MTSS1: variants seen among roughly 807,000 people sequenced by gnomAD.
MTSS1 encodes the protein MTSS I-BAR domain containing 1.
In MTSS1, 18 loss-of-function variants were observed where a neutral mutation model predicts 79.0. The ratio of observed to expected loss-of-function variants is 0.23; its 90% CI spans 0.16 to 0.34. MTSS1 has a LOEUF of 0.34. Among genes scored for constraint, MTSS1 ranks in the 10% least tolerant of loss-of-function variants. MTSS1 has a pLI of 1.00. For synonymous variants in MTSS1, 341 were observed against 368.6 expected (o/e 0.93, Z 0.86); for missense variants, 815 against 986.2 (o/e 0.83, Z 2.33).
chr8:124,704,253 C>G (rs1164294942), intron 1 of MTSS1, 62 bp from the exon 2 acceptor site: 1 of 1,383,338 alleles, frequency 7.2e-7, no homozygotes. Flanking sequence ...ACTACATTAA[C>G]AGAGCACCCA....
At chr8:124,615,666 C>T (rs1381738923) in intron 3 of MTSS1, among the ~76,000 whole-genome samples, 1 of 152,206 alleles carries the variant, frequency 6.6e-6, no homozygotes, top group African/African-American at 2.4e-5. Context: ...GAACTCTACA[C>T]TTGAAAATGA....
chr8:124,607,640 C>T (rs1221630094), intron 3 of MTSS1, among the ~76,000 whole-genome samples: 3 of 152,146 alleles, frequency 2.0e-5, no homozygotes, highest in Non-Finnish European at 4.4e-5. Context: ...GCCCGAGCCT[C>T]CCAGCCTCCA....
rs7839937 is a variant in MTSS1, at chr8:124,597,466, A to G, written c.209-6231T>C. ...GGGGTAGGGAGGAAATAAGAAAAGC[A>G]AAGTTTCCTTGCCCCCTAAAGTCCG... On this transcript the variant is annotated intron_variant, in intron 3 of 13. Coordinates refer to ENST00000518547, the MANE Select transcript of MTSS1 (RefSeq NM_014751.6). The surrounding 1 kb of genome is among the most constrained non-coding windows in gnomAD (Gnocchi z 4.6). Among the ~76,000 whole-genome samples, 1 of 152,218 alleles carries G rather than the reference A, an allele frequency of 6.6e-6. No homozygotes were observed. Among genetic ancestry groups the G allele is most frequent in the Non-Finnish European group, 1.5e-5 (1 of 68,042 alleles).
intron 3 of MTSS1, among the ~76,000 whole-genome samples, chr8:124,696,866 A>G (rs1002572646): frequency 6.6e-6 from 1 of 150,596 alleles, no homozygotes; most frequent in Admixed American, 6.6e-5. Flanking sequence ...AAAAAAAAAG[A>G]AAAAAAAATG....
Position 124,567,972 on chromosome 8 carries a change from C to T in MTSS1, c.618+407G>A, listed in dbSNP as rs750349867. ...GTCACCCCTTAGTACTCGGCTACAA[C>T]AGTGAGTCTCAAAACCACCTGGAGT... On this transcript the variant is annotated intron_variant, in intron 7 of 13. Transcript: ENST00000518547. 211 of 1,352,156 alleles carry T rather than the reference C, an allele frequency of 1.6e-4. 1 individual carries two copies. The highest frequency in any genetic ancestry group is 2.6e-4 in the Admixed American group (8 of 31,342). 83.8% of individuals were successfully genotyped at this position (1,352,156 alleles called of 1,614,324 possible). A position where few individuals can be genotyped will look rare whatever the true frequency, so the allele number is the denominator to read the frequency against.
chr8:124,551,435 A>G lies in MTSS1; in HGVS notation c.*1557T>C, dbSNP rs981721845. 3 of 152,696 alleles carry G rather than the reference A, an allele frequency of 2.0e-5. No individual in the cohort carries two copies. The highest frequency in any genetic ancestry group is 4.4e-5 in the Non-Finnish European group (3 of 68,056). 9.5% of individuals were successfully genotyped at this position (152,696 alleles called of 1,614,324 possible). Reference sequence around the variant, plus strand: ...GTGTTCAATGTTAATATATAGAACAATGACCATACGGTACGTTACTCTCAC... The same window carrying G: ...GTGTTCAATGTTAATATATAGAACAGTGACCATACGGTACGTTACTCTCAC... On this transcript the variant is annotated 3_prime_UTR_variant, in exon 14 of 14. Coordinates refer to ENST00000518547, the MANE Select transcript of MTSS1 (RefSeq NM_014751.6).
intron 3 of MTSS1, chr8:124,698,042 T>C (rs988688448): frequency 6.6e-6 from 1 of 152,230 alleles, no homozygotes; most frequent in Non-Finnish European, 1.5e-5. Flanking sequence ...ATAGTTTCTA[T>C]GTTGAAATTC....
intron 3 of MTSS1, among the ~76,000 whole-genome samples, chr8:124,633,956 TC>T (rs1816511692): frequency 6.6e-6 from 1 of 152,070 alleles, no homozygotes; most frequent in African/African-American, 2.4e-5. Flanking sequence ...TATAATTACT[TC>T]TCTCACACTT....
intron 3 of MTSS1, among the ~76,000 whole-genome samples, chr8:124,688,000 C>A (rs1029728305): frequency 3.3e-5 from 5 of 152,176 alleles, no homozygotes; most frequent in African/African-American, 1.2e-4. Flanking sequence ...AAGTACCACC[C>A]GGGCGGCTGG....
chr8:124,681,575 G>T (rs1354164357), intron 3 of MTSS1, among the ~76,000 whole-genome samples: 1 of 152,172 alleles, frequency 6.6e-6, no homozygotes, highest in Non-Finnish European at 1.5e-5. Flanking sequence ...ATAACTTGAG[G>T]TCAGGAGTTC....
At chr8:124,654,111 G>A (rs929713842) in intron 3 of MTSS1, among the ~76,000 whole-genome samples, 53 of 152,138 alleles carry the variant, frequency 3.5e-4, no homozygotes, top group Non-Finnish European at 1.0e-4. Context: ...AGGGTAATGA[G>A]GTGTATCATC....
intron 10 of MTSS1, among the ~76,000 whole-genome samples, chr8:124,561,073 C>T (rs1258032241): frequency 5.9e-5 from 9 of 152,138 alleles, no homozygotes; most frequent in African/African-American, 1.9e-4. Flanking sequence ...AATAAGCAGT[C>T]GTAATGCCTT....
chr8:124,612,567 G>A (rs991674774), intron 3 of MTSS1, among the ~76,000 whole-genome samples: 2 of 138,588 alleles, frequency 1.4e-5, no homozygotes, highest in Admixed American at 7.2e-5. Flanking sequence ...TAAAGACCAA[G>A]TTTAAAATGT....
intron 3 of MTSS1, among the ~76,000 whole-genome samples, chr8:124,640,538 AT>A (rs1817836858): frequency 6.6e-6 from 1 of 151,976 alleles, no homozygotes; most frequent in African/African-American, 2.4e-5. Flanking sequence ...ATCCTTCTAG[AT>A]TTTTTTGTTT....
chr8:124,662,541 C>G (rs1338604570), intron 3 of MTSS1, among the ~76,000 whole-genome samples: 1 of 152,172 alleles, frequency 6.6e-6, no homozygotes, highest in Non-Finnish European at 1.5e-5. Flanking sequence ...CCCCAATACT[C>G]AGGATCCGGG....
At position 124,553,182 on chromosome 8, in the gene MTSS1, C is replaced by A. The variant is rs757706794; in HGVS notation, c.2078G>T (p.Ser693Ile). The change falls in exon 14 of 14, where the codon AGT (serine) becomes ATT (isoleucine). Residue 693 changes from serine to isoleucine, a missense_variant. Physicochemically the swap from Ser to Ile is moderately radical, Grantham distance 142. This residue lies in a region of MTSS1 where 590 missense variants were observed against 620.8 expected (regional missense o/e 0.95). Coordinates refer to ENST00000518547, the MANE Select transcript of MTSS1 (RefSeq NM_014751.6). This position sits in a 1 kb window ranked among gnomAD's most constrained non-coding sequence, Gnocchi z 6.0. ...TTCCCGTTCCTGGTCTTCAGCTTCA[C>A]TTTCTGGAATTGCCTGTCTGTGCTC... Reference protein sequence around the residue: ...PEEHRQAIPESEAEDQEREPP... With the variant: ...PEEHRQAIPEIEAEDQEREPP... The A allele has an allele frequency of 1.2e-6, 2 of 1,614,152 alleles. No individual in the cohort carries two copies. The highest frequency in any genetic ancestry group is 1.7e-6 in the Non-Finnish European group (2 of 1,180,042).
At chr8:124,578,651 C>T (rs961698967) in intron 6 of MTSS1, among the ~76,000 whole-genome samples, 9 of 152,046 alleles carry the variant, frequency 5.9e-5, no homozygotes, top group East Asian at 5.8e-4. Flanking sequence ...AAAAATTTGC[C>T]GGGTGTGGTG....
chr8:124,608,418 C>T (rs146719515), intron 3 of MTSS1, among the ~76,000 whole-genome samples: 372 of 152,246 alleles, frequency 2.4e-3, no homozygotes, highest in African/African-American at 8.3e-3. Flanking sequence ...ACATCATGGC[C>T]TCGCCTCCTC....
intron 3 of MTSS1, among the ~76,000 whole-genome samples, chr8:124,611,116 C>CA (rs995338402): frequency 1.3e-5 from 2 of 148,714 alleles, no homozygotes; most frequent in African/African-American, 2.5e-5. Flanking sequence ...ACCCCCCCCC[C>CA]CCAGCATGTG....
Sources: gnomAD v4.1 joint callset for allele counts (sites outside exome capture counted in the v4.1 genomes callset) on GRCh38, gnomAD v4.1.1 for gene constraint, gnomAD v4.1.1 regional missense constraint, Gnocchi (gnomAD v3.1) non-coding constraint, MANE v1.5 for transcripts, NCBI Gene and HGNC (gene_info 2026-07-23, HGNC 2026-07-21) for gene names.